Variants in VPS8 observed in about 807,000 individuals in gnomAD.
The protein encoded by VPS8 is VPS8 subunit of CORVET complex.
A neutral mutation model predicts 216.4 loss-of-function variants in VPS8; 129 were observed. The ratio of observed to expected loss-of-function variants is 0.60; its 90% CI spans 0.52 to 0.69. VPS8 has a LOEUF of 0.69. VPS8 is among the 30% of genes least tolerant of loss of function. VPS8 has a pLI of 0.00. For missense variants in VPS8, 1,531 were observed against 1,683.5 expected, an observed-to-expected ratio of 0.91 and a Z score of 1.59; for synonymous variants, 571 against 565.4, an observed-to-expected ratio of 1.01 and a Z score of -0.14.
chr3:184,852,275 G>C (rs1724439165), intron 10 of VPS8, among the ~76,000 whole-genome samples: 1 of 152,068 alleles, frequency 6.6e-6, no homozygotes. Flanking sequence ...ATGAAAGGTG[G>C]TTTTGCTTTT....
At chr3:185,046,197 G>GT (rs1712865057) in intron 46 of VPS8, among the ~76,000 whole-genome samples, 1 of 152,142 alleles carries the variant, frequency 6.6e-6, no homozygotes, top group African/African-American at 2.4e-5. Flanking sequence ...ATACTTTTAT[G>GT]TTTTTGGAGT....
At chr3:184,916,732 A>G (rs1737661347) in intron 28 of VPS8, among the ~76,000 whole-genome samples, 1 of 152,156 alleles carries the variant, frequency 6.6e-6, no homozygotes, top group South Asian at 2.1e-4. Flanking sequence ...TGACTGGCAC[A>G]TAGGAAAAAA....
chr3:184,826,603 C>G (rs1225652870), intron 3 of VPS8, among the ~76,000 whole-genome samples: 4 of 152,184 alleles, frequency 2.6e-5, no homozygotes, highest in Admixed American at 2.0e-4. Context: ...CAGAACAATG[C>G]CTAATACTTG....
At chr3:184,837,613 T>C (rs754970145) in intron 5 of VPS8, among the ~76,000 whole-genome samples, 49 of 152,240 alleles carry the variant, frequency 3.2e-4, no homozygotes, top group Admixed American at 1.3e-3. Context: ...CTCATTGCTT[T>C]TTTCTCCTGT....
chr3:184,991,775 AAG>A (rs1751933442), intron 42 of VPS8, among the ~76,000 whole-genome samples: 1 of 152,212 alleles, frequency 6.6e-6, no homozygotes, highest in South Asian at 2.1e-4. Flanking sequence ...AGAAAATAAA[AAG>A]AAAAAAATGT....
chr3:184,946,459 CT>C (rs946975535), intron 36 of VPS8, among the ~76,000 whole-genome samples: 1 of 152,234 alleles, frequency 6.6e-6, no homozygotes, highest in African/African-American at 2.4e-5. Flanking sequence ...CCGTCATCAT[CT>C]TTGCAGTGGC....
chr3:184,879,188 T>C (rs769444132), intron 21 of VPS8, among the ~76,000 whole-genome samples: 4 of 152,232 alleles, frequency 2.6e-5, no homozygotes, highest in Non-Finnish European at 5.9e-5. Context: ...CTCAAACCAT[T>C]GACAGGCTCA....
Position 184,999,772 on chromosome 3 carries a change from A to G in VPS8, c.3913A>G (p.Thr1305Ala). 1 of 1,613,286 alleles carries G rather than the reference A, an allele frequency of 6.2e-7. No individual in the cohort carries two copies. Among genetic ancestry groups the G allele is most frequent in the Non-Finnish European group, 8.5e-7 (1 of 1,179,650 alleles). Residue 1305 changes from threonine (T) to alanine (A), a missense_variant, in exon 45 of 48, where the codon ACA (threonine) becomes GCA (alanine). Coordinates refer to ENST00000625842, the MANE Select transcript of VPS8 (RefSeq NM_001009921.3). Reference protein sequence around the residue: ...TVEFEGQTRWTCYKCSSSNKV... With the variant: ...TVEFEGQTRWACYKCSSSNKV... Reference sequence around the variant, plus strand: ...GGAATTTGAGGGCCAAACAAGATGGACATGCTACAAATGCAGTTCAAGTAA... The same window carrying G: ...GGAATTTGAGGGCCAAACAAGATGGGCATGCTACAAATGCAGTTCAAGTAA...
chr3:184,966,608 G>A (rs1747448170), intron 38 of VPS8, 63 bp from the exon 39 acceptor site: 1 of 1,149,428 alleles, frequency 8.7e-7, no homozygotes, highest in Non-Finnish European at 1.2e-6. Flanking sequence ...GTTAATTCAA[G>A]TATTGGGTGG....
At chr3:184,891,808 T>A (rs1267020494) in intron 22 of VPS8, among the ~76,000 whole-genome samples, 1 of 152,218 alleles carries the variant, frequency 6.6e-6, no homozygotes, top group African/African-American at 2.4e-5. Context: ...TTGGTTCTGG[T>A]TATATATTTA....
chr3:184,981,489 A>T (rs1577054201), intron 40 of VPS8, among the ~76,000 whole-genome samples: 1 of 147,646 alleles, frequency 6.8e-6, no homozygotes, highest in South Asian at 2.2e-4. Context: ...GCTGCAGTGC[A>T]ATGGCGTGAT....
At chr3:184,905,160 C>T (rs947832869) in intron 25 of VPS8, among the ~76,000 whole-genome samples, 11 of 152,298 alleles carry the variant, frequency 7.2e-5, no homozygotes, top group Middle Eastern at 3.4e-3. Context: ...ACCCTCATGA[C>T]TTAAACACCT....
chr3:185,048,950 A>C (rs1253372245), intron 47 of VPS8, among the ~76,000 whole-genome samples: 1 of 152,216 alleles, frequency 6.6e-6, no homozygotes, highest in Non-Finnish European at 1.5e-5. Context: ...TTTGGCCATG[A>C]AAGACAAATG....
chr3:184,983,812 G>A lies in VPS8; in HGVS notation c.3585+718G>A, dbSNP rs532574053. ...CTCCCACACACATACAAAGCAAACC[G>A]TAATATGATGCCATTAGTCTTTATA... On this transcript the variant is annotated intron_variant, in intron 42 of 47. Transcript: ENST00000625842. Among the ~76,000 whole-genome samples the A allele has an allele frequency of 2.3e-5, 3 of 128,930 alleles. No individual in the cohort carries two copies. The South Asian group carries it at 7.5e-4, about 32-fold the overall frequency. 84.6% of individuals were successfully genotyped at this position (128,930 alleles called of 152,430 possible).
At chr3:184,910,133 T>C (rs1354434388) in intron 25 of VPS8, among the ~76,000 whole-genome samples, 1 of 147,998 alleles carries the variant, frequency 6.8e-6, no homozygotes, top group Non-Finnish European at 1.5e-5. Context: ...CTCCTATTTT[T>C]TTTTTTTTTT....
chr3:184,876,677 T>C (rs1729337970), intron 21 of VPS8, among the ~76,000 whole-genome samples: 1 of 152,184 alleles, frequency 6.6e-6, no homozygotes, highest in Admixed American at 6.5e-5. Flanking sequence ...ATGCACCTAA[T>C]GCAAATTGGG....
chr3:184,844,423 A>T (rs889873139), intron 8 of VPS8, among the ~76,000 whole-genome samples: 3 of 152,148 alleles, frequency 2.0e-5, no homozygotes, highest in Admixed American at 1.3e-4. Flanking sequence ...TCTGTCAAAA[A>T]AAATAAATAA....
At chr3:185,035,739 G>A (rs56372716) in intron 46 of VPS8, among the ~76,000 whole-genome samples, 6,597 of 152,206 alleles carry the variant, frequency 0.043, 457 homozygotes, top group African/African-American at 0.15. Flanking sequence ...ATTCAACACT[G>A]TATTGGAAGT....
chr3:184,885,519 AG>A (rs1218882895), intron 21 of VPS8, among the ~76,000 whole-genome samples: 2 of 152,212 alleles, frequency 1.3e-5, no homozygotes, highest in Non-Finnish European at 2.9e-5. Flanking sequence ...TTACAATAGC[AG>A]GTTTGGAGGA....
Sources: allele counts gnomAD v4.1 joint callset (sites outside exome capture counted in the v4.1 genomes callset), GRCh38; gene constraint gnomAD v4.1.1; transcripts MANE v1.5; gene names NCBI Gene and HGNC (gene_info 2026-07-23, HGNC 2026-07-21).